Variants in XPR1 observed in about 807,000 individuals in gnomAD.
XPR1 encodes xenotropic and polytropic retrovirus receptor 1.
A neutral mutation model predicts 87.5 loss-of-function variants in XPR1; 28 were observed. The ratio of observed to expected loss-of-function variants is 0.32; its 90% CI spans 0.24 to 0.44. The LOEUF is 0.44. Ranked by LOEUF, XPR1 falls within the 20% of genes least tolerant of loss-of-function variation. The pLI is 1.00. For missense variants in XPR1, 559 were observed against 862.3 expected (o/e 0.65, Z 4.41); for synonymous variants, 300 against 306.1 (o/e 0.98, Z 0.21).
At position 180,886,401 on chromosome 1, in the gene XPR1, A is replaced by G. The variant is rs1004388515; in HGVS notation, c.*2335A>G. 9 of 152,240 alleles carry G rather than the reference A, an allele frequency of 5.9e-5. No individual in the cohort carries two copies. Among genetic ancestry groups the G allele is most frequent in the Non-Finnish European group, 8.8e-5 (6 of 68,044 alleles). 9.4% of individuals were successfully genotyped at this position (152,240 alleles called of 1,614,324 possible). A position where few individuals can be genotyped will look rare whatever the true frequency, so the allele number is the denominator to read the frequency against. ...TTTATTAGTGAATCTCTATGATGGC[A>G]CACATAAAATCTTACAGTTGACTTC... On this transcript the variant is annotated 3_prime_UTR_variant, in exon 15 of 15. Coordinates refer to ENST00000367590, the MANE Select transcript of XPR1 (RefSeq NM_004736.4).
chr1:180,825,437 G>T (rs1650794117), intron 9 of XPR1, 93 bp downstream of exon 9: 4 of 1,301,920 alleles, frequency 3.1e-6, no homozygotes, highest in Admixed American at 2.5e-5. Context: ...TTGTACAACT[G>T]CAGAGGCCGT....
chr1:180,825,241 C>T lies in XPR1; in HGVS notation c.1031C>T (p.Thr344Ile). 2.5e-6 allele frequency: 4 copies of T among 1,614,134 alleles called. No homozygotes were observed. Among genetic ancestry groups the T allele is most frequent in the Non-Finnish European group, 3.4e-6 (4 of 1,179,994 alleles). The change falls in exon 9 of 15, where the codon ACA becomes ATA. Residue 344 changes from threonine (T) to isoleucine (I), a missense_variant. This residue lies in a region of XPR1 where 264 missense variants were observed against 377.2 expected (regional missense o/e 0.70). Coordinates refer to ENST00000367590, the MANE Select transcript of XPR1 (RefSeq NM_004736.4). ...CFFAPISVIP[T>I]YVYPLALYGF... is the part of the protein sequence containing the mutation. The stretch of plus-strand genomic sequence containing the variant: ...TTTGCTCCAATTAGTGTCATCCCCA[C>T]ATATGTGTATCCACTTGCCCTTTAT...
intron 9 of XPR1, among the ~76,000 whole-genome samples, chr1:180,830,692 TAGAA>T (rs1389089556): frequency 1.3e-5 from 2 of 152,318 alleles, no homozygotes; most frequent in Middle Eastern, 3.4e-3. Context: ...CTGTATAAGA[TAGAA>T]AGGGGTCCTT....
intron 13 of XPR1, among the ~76,000 whole-genome samples, chr1:180,879,335 C>G (rs1558049605): frequency 2.0e-5 from 3 of 152,200 alleles, no homozygotes; most frequent in Non-Finnish European, 4.4e-5. Context: ...TCAAACAAAT[C>G]ACTTCATTCT....
chr1:180,663,576 A>G (rs547733237), intron 1 of XPR1, among the ~76,000 whole-genome samples: 75 of 152,226 alleles, frequency 4.9e-4, no homozygotes, highest in Non-Finnish European at 9.1e-4. Flanking sequence ...CACTGGGACC[A>G]CACTGGGTCA....
At chr1:180,675,428 C>T (rs1267772635) in intron 1 of XPR1, among the ~76,000 whole-genome samples, 1 of 152,168 alleles carries the variant, frequency 6.6e-6, no homozygotes, top group African/African-American at 2.4e-5. Flanking sequence ...CTGTAGCTAT[C>T]TGCCGAGGAA....
At chr1:180,715,586 A>T (rs941153587) in intron 2 of XPR1, among the ~76,000 whole-genome samples, 1 of 152,212 alleles carries the variant, frequency 6.6e-6, no homozygotes, top group African/African-American at 2.4e-5. Context: ...GTTCAGAAGA[A>T]GATTATAGGA....
At chr1:180,879,112 C>T (rs1652759583) in intron 13 of XPR1, among the ~76,000 whole-genome samples, 2 of 152,208 alleles carry the variant, frequency 1.3e-5, no homozygotes, top group Admixed American at 1.3e-4. Context: ...AGACCAAAAA[C>T]CCTAAGACGA....
chr1:180,759,963 G>T (rs550647602), intron 2 of XPR1, among the ~76,000 whole-genome samples: 24 of 152,184 alleles, frequency 1.6e-4, no homozygotes, highest in African/African-American at 5.5e-4. Context: ...TTCAACATAC[G>T]CAAATCAATA....
chr1:180,772,415 T>C (rs1234088554), intron 2 of XPR1, among the ~76,000 whole-genome samples: 6 of 152,162 alleles, frequency 3.9e-5, no homozygotes, highest in Non-Finnish European at 8.8e-5. Flanking sequence ...GCTAGACTTA[T>C]TGTTACTAGA....
chr1:180,648,785 G>GT (rs1485710214), intron 1 of XPR1, among the ~76,000 whole-genome samples: 1 of 152,076 alleles, frequency 6.6e-6, no homozygotes, highest in East Asian at 1.9e-4. Context: ...TGGAATTACA[G>GT]GTGTAAGCCA....
rs571182678 is a variant in XPR1 at position 180,809,771 on chromosome 1, A to G, written c.682-1636A>G. On this transcript the variant is annotated intron_variant, in intron 6 of 14. Coordinates refer to ENST00000367590, the MANE Select transcript of XPR1 (RefSeq NM_004736.4). ...TGGATAGTAGTTATAGATTCACTTTATTATTCATTTCTAACAGTCCAAATA... is the reference window on the plus strand; with the variant it reads ...TGGATAGTAGTTATAGATTCACTTTGTTATTCATTTCTAACAGTCCAAATA... Among the ~76,000 whole-genome samples, 5 of 152,284 alleles carry G rather than the reference A, an allele frequency of 3.3e-5. No individual in the cohort carries two copies. The East Asian group carries it at 9.6e-4, about 29-fold the overall frequency.
intron 7 of XPR1, among the ~76,000 whole-genome samples, chr1:180,820,698 T>A (rs1210144530): frequency 1.3e-5 from 2 of 152,182 alleles, no homozygotes; most frequent in East Asian, 3.8e-4. Context: ...GAGGATTCTG[T>A]TTTCTGCACA....
intron 2 of XPR1, among the ~76,000 whole-genome samples, chr1:180,731,338 C>A (rs140055761): frequency 1.3e-5 from 2 of 152,052 alleles, no homozygotes; most frequent in Non-Finnish European, 2.9e-5. Flanking sequence ...GTGCTGCGGC[C>A]GAGGGGATGG....
chr1:180,879,910 CCCA>C (rs900043977), intron 13 of XPR1, among the ~76,000 whole-genome samples, 163 bp from the exon 14 acceptor site: 2 of 152,102 alleles, frequency 1.3e-5, no homozygotes, highest in Admixed American at 6.5e-5. Context: ...CCCTTACCCC[CCCA>C]CCACCACCTC....
At chr1:180,698,627 A>C (rs566161726) in intron 2 of XPR1, among the ~76,000 whole-genome samples, 1 of 152,008 alleles carries the variant, frequency 6.6e-6, no homozygotes, top group Non-Finnish European at 1.5e-5. Context: ...GTGTGTTTTC[A>C]TGATGGTAGA....
chr1:180,642,782 A>G (rs1203505342), intron 1 of XPR1, among the ~76,000 whole-genome samples: 1 of 152,160 alleles, frequency 6.6e-6, no homozygotes, highest in Non-Finnish European at 1.5e-5. Flanking sequence ...TTATAGAGGA[A>G]TGACCAATTG....
intron 1 of XPR1, among the ~76,000 whole-genome samples, chr1:180,656,019 C>G (rs1027719671): frequency 1.3e-5 from 2 of 151,746 alleles, no homozygotes; most frequent in South Asian, 4.1e-4. Flanking sequence ...TGACTATAGT[C>G]AACCTGTTGT....
chr1:180,844,373 A>AC (rs1395219709), intron 11 of XPR1, among the ~76,000 whole-genome samples: 3 of 152,214 alleles, frequency 2.0e-5, no homozygotes, highest in African/African-American at 7.2e-5. Context: ...GAAAAGTATA[A>AC]ACATCAGAAA....
Sources: gnomAD v4.1 joint callset for allele counts (sites outside exome capture counted in the v4.1 genomes callset) on GRCh38, gnomAD v4.1.1 for gene constraint, gnomAD v4.1.1 regional missense constraint, MANE v1.5 for transcripts, NCBI Gene and HGNC (gene_info 2026-07-23, HGNC 2026-07-21) for gene names.